The following CNTLN variants were observed in gnomAD, a reference collection of about 807,000 sequenced individuals.
CNTLN encodes the protein centlein, centrosomal protein.
In CNTLN, 212 loss-of-function variants were observed where a neutral mutation model predicts 180.0. The observed-to-expected ratio is 1.18, with a 90% CI of 1.05 to 1.32. The LOEUF (loss-of-function observed/expected upper bound fraction) is 1.32. Among genes scored for constraint, CNTLN ranks in the 40% most tolerant of loss-of-function variants. The pLI is 0.00. For synonymous variants in CNTLN, 722 were observed against 563.1 expected (o/e 1.28, Z -3.99); for missense variants, 2,095 against 1,610.9 (o/e 1.30, Z -5.14).
chr9:17,232,169 T>G lies in CNTLN; in HGVS notation c.535-3489T>G, dbSNP rs907807032. ...TATTTTATTAGGAAAATATGTTGAT[T>G]TATACAAACTTTTACACTTTTAGAG... On this transcript the variant is annotated intron_variant, in intron 3 of 25. Transcript: ENST00000380647. 2.6e-5 allele frequency among the ~76,000 whole-genome samples: 4 copies of G among 152,056 alleles called. No individual in the cohort carries two copies. In the East Asian group the frequency reaches 5.8e-4, roughly 22 times the overall value.
Position 17,235,729 on chromosome 9 carries a change from T to G in CNTLN, c.606T>G (p.Ala202=). The change falls in exon 4 of 26, where the codon GCT becomes GCG. Residue 202 remains alanine, a synonymous_variant. Coordinates refer to ENST00000380647, the MANE Select transcript of CNTLN (RefSeq NM_017738.4). ...KRKIAVDEEN[A]FLRKEFSDLE... ...AAATTGCAGTAGATGAAGAAAATGCTTTCTTAAGGAAAGAATTCAGTGACT... is the reference window on the plus strand; with the variant it reads ...AAATTGCAGTAGATGAAGAAAATGCGTTCTTAAGGAAAGAATTCAGTGACT... The G allele has an allele frequency of 6.2e-7, 1 of 1,608,194 alleles. No individual in the cohort carries two copies. The highest frequency in any genetic ancestry group is 8.5e-7 in the Non-Finnish European group (1 of 1,177,206).
chr9:17,200,807 T>C (rs1406125951), intron 2 of CNTLN, among the ~76,000 whole-genome samples: 2 of 152,180 alleles, frequency 1.3e-5, no homozygotes, highest in Non-Finnish European at 2.9e-5. Context: ...TCTCTTCCTA[T>C]GTGAATACCC....
At chr9:17,210,657 C>G (rs975262701) in intron 2 of CNTLN, among the ~76,000 whole-genome samples, 3 of 152,192 alleles carry the variant, frequency 2.0e-5, no homozygotes, top group Non-Finnish European at 4.4e-5. Context: ...AATGGTTAAA[C>G]TAGTTTACAG....
At chr9:17,180,947 G>A (rs537400195) in intron 2 of CNTLN, among the ~76,000 whole-genome samples, 2 of 151,884 alleles carry the variant, frequency 1.3e-5, no homozygotes, top group African/African-American at 2.4e-5. Flanking sequence ...AGGTAATAAT[G>A]GTATTTCTGT....
At chr9:17,159,414 G>A (rs76164356) in intron 2 of CNTLN, among the ~76,000 whole-genome samples, 3,118 of 152,212 alleles carry the variant, frequency 0.02, 103 homozygotes, top group African/African-American at 0.071. Context: ...GGAGCTGATT[G>A]CTTAGTGGAA....
At chr9:17,309,343 T>G in intron 8 of CNTLN, 91 bp downstream of exon 8, 205 of 957,636 alleles carry the variant, frequency 2.1e-4, no homozygotes, top group Non-Finnish European at 2.4e-4. Flanking sequence ...TTAAATATAT[T>G]TGCATTTATT....
chr9:17,169,693 G>T (rs955502372), intron 2 of CNTLN, among the ~76,000 whole-genome samples: 4 of 151,980 alleles, frequency 2.6e-5, no homozygotes, highest in Non-Finnish European at 5.9e-5. Context: ...CACCTTTGTT[G>T]AAAGCTAGTT....
At chr9:17,495,001 C>T (rs1044238511) in intron 25 of CNTLN, 12 of 438,918 alleles carry the variant, frequency 2.7e-5, no homozygotes, top group African/African-American at 2.1e-4. Flanking sequence ...GCCTCAGCCT[C>T]CTGAGTAGCT....
intron 18 of CNTLN, among the ~76,000 whole-genome samples, chr9:17,426,410 C>T (rs1829086762): frequency 6.6e-6 from 1 of 152,056 alleles, no homozygotes; most frequent in South Asian, 2.1e-4. Flanking sequence ...AAAAAGTAGA[C>T]TAATATCCAT....
At chr9:17,345,606 A>G (rs1314836264) in intron 12 of CNTLN, among the ~76,000 whole-genome samples, 2 of 151,742 alleles carry the variant, frequency 1.3e-5, no homozygotes, top group Admixed American at 1.3e-4. Context: ...ACTGGTATCA[A>G]CATTTTATTA....
At chr9:17,381,559 C>A (rs549933834) in intron 13 of CNTLN, among the ~76,000 whole-genome samples, 3 of 152,320 alleles carry the variant, frequency 2.0e-5, no homozygotes, top group South Asian at 2.1e-4. Flanking sequence ...TATTTTGCCA[C>A]CCACCACCCA....
chr9:17,181,878 C>T (rs1055120571), intron 2 of CNTLN, among the ~76,000 whole-genome samples: 1 of 152,222 alleles, frequency 6.6e-6, no homozygotes, highest in Non-Finnish European at 1.5e-5. Flanking sequence ...GTGGCTTCCA[C>T]TGTCATCACG....
intron 8 of CNTLN, among the ~76,000 whole-genome samples, chr9:17,314,772 A>G (rs10756864): frequency 0.84 from 127,236 of 152,184 alleles, 53,369 homozygotes; most frequent in Non-Finnish European, 0.87. Flanking sequence ...ATTCTCTGTT[A>G]CCTTCAGGTA....
intron 6 of CNTLN, among the ~76,000 whole-genome samples, chr9:17,294,352 G>A (rs1394612675): frequency 1.3e-5 from 2 of 151,956 alleles, no homozygotes; most frequent in African/African-American, 4.8e-5. Flanking sequence ...TTTACAGAGA[G>A]CTGATTGGTC....
At chr9:17,227,988 ACAT>A (rs1335525505) in intron 3 of CNTLN, among the ~76,000 whole-genome samples, 2 of 152,082 alleles carry the variant, frequency 1.3e-5, no homozygotes. Context: ...GACATGGCAG[ACAT>A]CATTTGTATT....
intron 2 of CNTLN, among the ~76,000 whole-genome samples, chr9:17,219,819 A>C (rs1824012134): frequency 6.6e-6 from 1 of 151,982 alleles, no homozygotes; most frequent in Non-Finnish European, 1.5e-5. Context: ...AATGCTAGCC[A>C]ATGTGGTTTC....
intron 15 of CNTLN, among the ~76,000 whole-genome samples, chr9:17,400,001 C>T (rs1241769618): frequency 1.3e-5 from 2 of 152,144 alleles, no homozygotes; most frequent in Non-Finnish European, 2.9e-5. Flanking sequence ...TGAAGGCTCC[C>T]TTATCATGTA....
At chr9:17,281,138 T>G (rs551737999) in intron 6 of CNTLN, among the ~76,000 whole-genome samples, 14 of 152,328 alleles carry the variant, frequency 9.2e-5, no homozygotes, top group Admixed American at 8.5e-4. Flanking sequence ...TTTGTACTTT[T>G]TCTTCACTTT....
At chr9:17,330,551 G>A in intron 8 of CNTLN, 81 bp from the exon 9 acceptor site, 1 of 751,904 alleles carries the variant, frequency 1.3e-6, no homozygotes, top group Non-Finnish European at 2.0e-6. Flanking sequence ...CTATAATATA[G>A]TGTTACATTT....
Sources: allele counts gnomAD v4.1 joint callset (sites outside exome capture counted in the v4.1 genomes callset), GRCh38; gene constraint gnomAD v4.1.1; transcripts MANE v1.5; gene names NCBI Gene and HGNC (gene_info 2026-07-23, HGNC 2026-07-21).